The following PTPRR variants were observed in gnomAD, a reference collection of about 807,000 sequenced individuals.
PTPRR encodes receptor-type tyrosine-protein phosphatase R.
PTPRR carries 38 observed loss-of-function variants against 77.2 expected under a neutral mutation model. The ratio of observed to expected loss-of-function variants is 0.49; its 90% CI spans 0.38 to 0.65. The LOEUF (loss-of-function observed/expected upper bound fraction) is 0.65. Among genes scored for constraint, PTPRR ranks in the 30% least tolerant of loss-of-function variants. The probability of loss-of-function intolerance (pLI) is 0.00; values close to 1 mark genes in which losing one functional copy is unlikely to be tolerated. For missense variants in PTPRR, 744 were observed against 799.2 expected, an observed-to-expected ratio of 0.93 and a Z score of 0.83; for synonymous variants, 299 against 283.1, an observed-to-expected ratio of 1.06 and a Z score of -0.57.
At chr12:70,654,479 G>A (rs1418314114) in intron 13 of PTPRR, among the ~76,000 whole-genome samples, 1 of 152,116 alleles carries the variant, frequency 6.6e-6, no homozygotes, top group Non-Finnish European at 1.5e-5. Context: ...AGGCTGCAGT[G>A]GGCCATGATC....
At chr12:70,814,789 G>T (rs1360842544) in intron 2 of PTPRR, among the ~76,000 whole-genome samples, 1 of 152,138 alleles carries the variant, frequency 6.6e-6, no homozygotes, top group Non-Finnish European at 1.5e-5. Flanking sequence ...AAAGTTTAAT[G>T]TAAGTCTCAA....
Position 70,826,705 on chromosome 12 carries a change from T to C in PTPRR, c.358-61927A>G, listed in dbSNP as rs1420314134. 2.6e-5 allele frequency among the ~76,000 whole-genome samples: 4 copies of C among 152,216 alleles called. No homozygotes were observed. The South Asian group carries it at 6.2e-4, about 24-fold the overall frequency. On this transcript the variant is annotated intron_variant, in intron 2 of 13. Coordinates refer to ENST00000283228, the MANE Select transcript of PTPRR (RefSeq NM_002849.4). ...AACTAATGACATGAATACTCTGAGA[T>C]AGGACTGGCTGCAAAACATGTATGG...
At chr12:70,794,711 C>T (rs573116065) in intron 2 of PTPRR, among the ~76,000 whole-genome samples, 62 of 152,274 alleles carry the variant, frequency 4.1e-4, no homozygotes, top group African/African-American at 1.4e-3. Flanking sequence ...TGACACAGGA[C>T]CTTGAACCCC....
At chr12:70,757,957 T>C (rs1441594979) in intron 4 of PTPRR, among the ~76,000 whole-genome samples, 1 of 152,190 alleles carries the variant, frequency 6.6e-6, no homozygotes, top group African/African-American at 2.4e-5. Flanking sequence ...TTGCAGGGCT[T>C]CTTTAGGTTG....
chr12:70,887,517 T>A (rs1364935305), intron 2 of PTPRR, among the ~76,000 whole-genome samples: 1 of 152,050 alleles, frequency 6.6e-6, no homozygotes, highest in Admixed American at 6.6e-5. Flanking sequence ...AGTAAAAAAA[T>A]GCAATAAGAA....
intron 11 of PTPRR, 123 bp downstream of exon 11, chr12:70,662,372 C>T: frequency 1.8e-6 from 1 of 549,508 alleles, no homozygotes; most frequent in Non-Finnish European, 3.1e-6. Context: ...TATAGTTTCT[C>T]TTTGATCTTA....
chr12:70,683,413 T>C (rs1414461964), intron 10 of PTPRR, among the ~76,000 whole-genome samples: 1 of 152,164 alleles, frequency 6.6e-6, no homozygotes, highest in Non-Finnish European at 1.5e-5. Context: ...AAAAGACTAC[T>C]AGTATGGAAA....
chr12:70,904,705 C>G (rs956936700), intron 1 of PTPRR, among the ~76,000 whole-genome samples: 1 of 151,692 alleles, frequency 6.6e-6, no homozygotes, highest in African/African-American at 2.4e-5. Flanking sequence ...CTACTTTTTT[C>G]AAGCGTAACT....
chr12:70,774,958 G>GC (rs1891058328), intron 2 of PTPRR, among the ~76,000 whole-genome samples: 1 of 152,100 alleles, frequency 6.6e-6, no homozygotes. Flanking sequence ...CAGTAACAAG[G>GC]CAACAGCTTT....
At chr12:70,800,266 C>T (rs1351023530) in intron 2 of PTPRR, among the ~76,000 whole-genome samples, 2 of 144,744 alleles carry the variant, frequency 1.4e-5, no homozygotes, top group Non-Finnish European at 3.1e-5. Context: ...ACTGTTCTCT[C>T]TCTTTTTTTT....
At chr12:70,834,328 T>C (rs1202765550) in intron 2 of PTPRR, among the ~76,000 whole-genome samples, 2 of 152,194 alleles carry the variant, frequency 1.3e-5, no homozygotes, top group Non-Finnish European at 2.9e-5. Flanking sequence ...GCCTCATGAA[T>C]GACAATGTTG....
rs746595856 is a variant in PTPRR at position 70,658,883 on chromosome 12, G to GTTTTTTTTTTTTTTTTTTTTTTTTTTTT, written c.1766+2029_1766+2056dup. On this transcript the variant is annotated intron_variant, in intron 12 of 13. Coordinates refer to ENST00000283228, the MANE Select transcript of PTPRR (RefSeq NM_002849.4). ...TTCAACGTTAGGGACTTTTGCTCTAGTTTTTTTTTTTTTTTTTTTTTTTTT... is the reference window on the plus strand; with the variant it reads ...TTCAACGTTAGGGACTTTTGCTCTAGTTTTTTTTTTTTTTTTTTTTTTTTTTTTTTTTTTTTTTTTTTTTTTTTTTTTT... Among the ~76,000 whole-genome samples the GTTTTTTTTTTTTTTTTTTTTTTTTTTTT allele has an allele frequency of 2.2e-4, 8 of 36,938 alleles. 1 individual carries two copies. The highest frequency in any genetic ancestry group is 4.4e-4 in the Admixed American group (1 of 2,256). The allele number at this position is 36,938 out of a possible 152,430, so 24.2% of individuals were successfully genotyped here.
intron 2 of PTPRR, among the ~76,000 whole-genome samples, chr12:70,852,212 A>G (rs1223641925): frequency 6.6e-6 from 1 of 152,198 alleles, no homozygotes; most frequent in Non-Finnish European, 1.5e-5. Flanking sequence ...TACGAGAACT[A>G]GGAAGATGTA....
At chr12:70,759,352 G>A (rs1333880507) in intron 4 of PTPRR, among the ~76,000 whole-genome samples, 3 of 152,154 alleles carry the variant, frequency 2.0e-5, no homozygotes, top group Admixed American at 2.0e-4. Context: ...CCACAGTGTA[G>A]AGATGAGCCT....
At position 70,909,114 on chromosome 12, in the gene PTPRR, C is replaced by T. The variant is rs138543414; in HGVS notation, c.58+11219G>A. Among the ~76,000 whole-genome samples, 382 of 152,290 alleles carry T rather than the reference C, an allele frequency of 2.5e-3. 8 individuals are homozygous for T. Among genetic ancestry groups the T allele is most frequent in the Admixed American group, 0.023 (356 of 15,300 alleles). ...ACCTGAGGGGCGCTGCCAGCAGTGA[C>T]AGCTGATGCTGCAGGGTGAGGTATT... On this transcript the variant is annotated intron_variant, in intron 1 of 13. Transcript: ENST00000283228.
chr12:70,920,460 G>T lies in PTPRR; in HGVS notation c.-70C>A. The T allele has an allele frequency of 6.8e-7, 1 of 1,467,216 alleles. No homozygotes were observed. 90.9% of individuals were successfully genotyped at this position (1,467,216 alleles called of 1,614,324 possible). A position where few individuals can be genotyped will look rare whatever the true frequency, so the allele number is the denominator to read the frequency against. ...ACTTCAGGTAAAGTGCTATTAGAAA[G>T]AGCCACCGCCAAGGGTCTTCTAGTC... On this transcript the variant is annotated 5_prime_UTR_variant, in exon 1 of 14. Transcript: ENST00000283228.
intron 10 of PTPRR, among the ~76,000 whole-genome samples, chr12:70,680,133 T>G (rs1566063391): frequency 6.6e-6 from 1 of 152,228 alleles, no homozygotes; most frequent in Non-Finnish European, 1.5e-5. Context: ...AACTTAACTT[T>G]GGTCACATAC....
intron 2 of PTPRR, among the ~76,000 whole-genome samples, chr12:70,767,898 C>G (rs536665084): frequency 7.2e-5 from 11 of 152,260 alleles, no homozygotes; most frequent in African/African-American, 2.4e-4. Context: ...AATGAACAAC[C>G]TGCTCCTGAA....
At chr12:70,804,011 AG>A (rs1332884815) in intron 2 of PTPRR, among the ~76,000 whole-genome samples, 2 of 152,110 alleles carry the variant, frequency 1.3e-5, no homozygotes, top group East Asian at 3.9e-4. Flanking sequence ...GGGGAGTGCA[AG>A]CATTTGGCAT....
Sources: gnomAD v4.1 joint callset for allele counts (sites outside exome capture counted in the v4.1 genomes callset) on GRCh38, gnomAD v4.1.1 for gene constraint, MANE v1.5 for transcripts, NCBI Gene and HGNC (gene_info 2026-07-23, HGNC 2026-07-21) for gene names.